MRPL22: variants seen among roughly 807,000 people sequenced by gnomAD.
MRPL22 encodes the protein large ribosomal subunit protein uL22m.
MRPL22 carries 27 observed loss-of-function variants against 32.4 expected under a neutral mutation model. The observed-to-expected ratio is 0.83, with a 90% CI of 0.61 to 1.15. The LOEUF (loss-of-function observed/expected upper bound fraction) is 1.15. Among genes scored for constraint, MRPL22 ranks in the 50% most tolerant of loss-of-function variants. The probability of loss-of-function intolerance (pLI) is 0.00; values close to 1 mark genes in which losing one functional copy is unlikely to be tolerated. For missense variants in MRPL22, 239 were observed against 260.2 expected (o/e 0.92, Z 0.56); for synonymous variants, 86 against 87.3 (o/e 0.99, Z 0.08).
At chr5:154,953,324 C>G (rs1467248300) in intron 3 of MRPL22, among the ~76,000 whole-genome samples, 4 of 124,592 alleles carry the variant, frequency 3.2e-5, no homozygotes, top group African/African-American at 1.2e-4. Context: ...CACTGCACTA[C>G]TTCAGCCTGG....
intron 1 of MRPL22, 22 bp downstream of exon 1, chr5:154,941,160 A>C (rs753538630): frequency 3.7e-6 from 6 of 1,614,046 alleles, no homozygotes; most frequent in Non-Finnish European, 5.1e-6. Context: ...TTAGTGGTTA[A>C]GCGACAGAAG....
intron 3 of MRPL22, chr5:154,955,371 A>G (rs925888464): frequency 6.6e-6 from 1 of 152,214 alleles, no homozygotes; most frequent in African/African-American, 2.4e-5. Context: ...CCTCCTTGCT[A>G]TAGTTTTCCA....
intron 2 of MRPL22, among the ~76,000 whole-genome samples, chr5:154,950,292 C>G (rs1764543183): frequency 6.6e-6 from 1 of 152,164 alleles, no homozygotes; most frequent in Admixed American, 6.5e-5. Flanking sequence ...GTATGGATTA[C>G]AATTGAAGAT....
At chr5:154,955,846 G>C in intron 3 of MRPL22, 1 of 153,020 alleles carries the variant, frequency 6.5e-6, no homozygotes, top group East Asian at 1.9e-4. Flanking sequence ...TTAGAGAGAG[G>C]TTAAGTAGCT....
At chr5:154,959,386 CA>C (rs1240697543) in intron 5 of MRPL22, among the ~76,000 whole-genome samples, 2 of 152,042 alleles carry the variant, frequency 1.3e-5, no homozygotes, top group Non-Finnish European at 2.9e-5. Flanking sequence ...CTCTGTTGCC[CA>C]GGCTGGAGTG....
At chr5:154,963,091 A>G (rs1167772411) in intron 6 of MRPL22, among the ~76,000 whole-genome samples, 2 of 152,134 alleles carry the variant, frequency 1.3e-5, no homozygotes, top group African/African-American at 4.8e-5. Flanking sequence ...GGCATGCATC[A>G]CCACACCCAG....
Position 154,957,188 on chromosome 5 carries a change from A to G in MRPL22, c.315A>G (p.Lys105=). 6.2e-7 allele frequency: 1 copy of G among 1,613,580 alleles called. No individual in the cohort carries two copies. Among genetic ancestry groups the G allele is most frequent in the South Asian group, 1.1e-5 (1 of 91,056 alleles). ...QALAQLEFND[K]KGAKIIKEVL... is the part of the protein sequence containing the mutation. ...TGGCTCAGTTGGAATTCAATGACAA[A>G]AAAGGGGCCAAAATAATTAAAGAGG... The change falls in exon 5 of 7, where the codon AAA becomes AAG. Residue 105 remains lysine (K), a synonymous_variant. Transcript: ENST00000523037.
intron 6 of MRPL22, among the ~76,000 whole-genome samples, chr5:154,964,694 T>C (rs1025534302): frequency 6.6e-6 from 1 of 152,230 alleles, no homozygotes; most frequent in African/African-American, 2.4e-5. Flanking sequence ...TTAGCAGGCA[T>C]TGAGCTTCTG....
Position 154,941,121 on chromosome 5 carries a change from C to T in MRPL22, c.11C>T (p.Ala4Val), listed in dbSNP as rs535262769. ...GCGGGAGGGCGAAAGATGGCGGCGGCAGTACTGGGACAGTTGGGTAAGGAT... is the reference window on the plus strand; with the variant it reads ...GCGGGAGGGCGAAAGATGGCGGCGGTAGTACTGGGACAGTTGGGTAAGGAT... The part of the protein sequence containing the change: MAA[A>V]VLGQLGALWI... The change falls in exon 1 of 7, where the codon GCA (alanine) becomes GTA (valine). Residue 4 changes from alanine (A) to valine (V), a missense_variant. By Grantham distance (64) the Ala-to-Val change is moderately conservative (BLOSUM62 0). Transcript: ENST00000523037. 5.6e-6 allele frequency: 9 copies of T among 1,613,964 alleles called. No individual in the cohort carries two copies. Among genetic ancestry groups the T allele is most frequent in the African/African-American group, 2.7e-5 (2 of 75,006 alleles).
chr5:154,949,950 C>T (rs370363746), intron 2 of MRPL22, among the ~76,000 whole-genome samples: 3 of 152,154 alleles, frequency 2.0e-5, no homozygotes, highest in East Asian at 1.9e-4. Flanking sequence ...TGATATATGT[C>T]GTTGCCCCAT....
At chr5:154,966,583 A>C (rs928670157) in intron 6 of MRPL22, 103 bp from the exon 7 acceptor site, 1 of 1,221,992 alleles carries the variant, frequency 8.2e-7, no homozygotes, top group Non-Finnish European at 1.2e-6. Flanking sequence ...CAGTGAGCCC[A>C]TGTAATCTCA....
At position 154,966,752 on chromosome 5, in the gene MRPL22, G is replaced by T; in HGVS notation, c.476G>T (p.Gly159Val). ...CGCTACCATGGCAGAGGTCGCTTTG[G>T]GATCATGGAGAAGGTTTATTGCCAT... Reference protein sequence around the residue: ...RIRYHGRGRFGIMEKVYCHYF... With the variant: ...RIRYHGRGRFVIMEKVYCHYF... Residue 159 changes from glycine (G) to valine (V), a missense_variant, in exon 7 of 7, where the codon GGG (glycine) becomes GTG (valine). Gly to Val is a moderately radical substitution (Grantham distance 109). Coordinates refer to ENST00000523037, the MANE Select transcript of MRPL22 (RefSeq NM_014180.4). The T allele has an allele frequency of 6.2e-7, 1 of 1,614,194 alleles. No homozygotes were observed. Among genetic ancestry groups the T allele is most frequent in the Non-Finnish European group, 8.5e-7 (1 of 1,180,042 alleles).
intron 6 of MRPL22, among the ~76,000 whole-genome samples, chr5:154,964,314 C>T (rs982137965): frequency 4.6e-5 from 7 of 152,134 alleles, no homozygotes; most frequent in African/African-American, 1.7e-4. Flanking sequence ...TTGGGTCTTC[C>T]TTGACCCACG....
At chr5:154,957,311 A>C (rs1430480505) in intron 5 of MRPL22, 99 bp downstream of exon 5, 2 of 988,512 alleles carry the variant, frequency 2.0e-6, no homozygotes, top group Non-Finnish European at 3.2e-6. Context: ...GAATTCCCTA[A>C]ATTTTCTGTT....
intron 2 of MRPL22, among the ~76,000 whole-genome samples, chr5:154,947,567 A>G (rs1485480307): frequency 6.6e-6 from 1 of 152,216 alleles, no homozygotes; most frequent in African/African-American, 2.4e-5. Context: ...AAATCATCCA[A>G]GTTGCATATT....
chr5:154,957,286 C>T (rs1386632980), intron 5 of MRPL22, 74 bp downstream of exon 5: 2 of 1,256,876 alleles, frequency 1.6e-6, no homozygotes, highest in Non-Finnish European at 2.3e-6. Context: ...TATTAGTAAG[C>T]TTAGCCTAAA....
At chr5:154,958,065 C>T (rs994296323) in intron 5 of MRPL22, among the ~76,000 whole-genome samples, 18 of 151,494 alleles carry the variant, frequency 1.2e-4, no homozygotes, top group African/African-American at 2.2e-4. Context: ...TACAGCTGCG[C>T]GCCACCATAC....
intron 2 of MRPL22, among the ~76,000 whole-genome samples, chr5:154,941,554 C>A (rs1764415788): frequency 6.6e-6 from 1 of 152,204 alleles, no homozygotes; most frequent in Admixed American, 6.5e-5. Context: ...CATATGGAAG[C>A]GTCCAACTTT....
chr5:154,964,681 CAGTT>C (rs774731060), intron 6 of MRPL22, among the ~76,000 whole-genome samples: 71 of 152,254 alleles, frequency 4.7e-4, no homozygotes, highest in African/African-American at 1.0e-3. Context: ...TCATGACTGA[CAGTT>C]AGCAGGCATT....
Sources: allele counts gnomAD v4.1 joint callset (sites outside exome capture counted in the v4.1 genomes callset), GRCh38; gene constraint gnomAD v4.1.1; transcripts MANE v1.5; gene names NCBI Gene and HGNC (gene_info 2026-07-23, HGNC 2026-07-21).